LRRN3: variants seen among roughly 807,000 people sequenced by gnomAD.
LRRN3 encodes leucine rich repeat neuronal 3.
A neutral mutation model predicts 40.1 loss-of-function variants in LRRN3; 15 were observed. That is an observed-to-expected ratio of 0.37 (90% CI 0.25 to 0.58). The LOEUF (loss-of-function observed/expected upper bound fraction) is 0.58. LRRN3 is among the 20% of genes least tolerant of loss of function. The probability of loss-of-function intolerance (pLI) is 0.72; values close to 1 mark genes in which losing one functional copy is unlikely to be tolerated. For synonymous variants in LRRN3, 308 were observed against 297.2 expected, an observed-to-expected ratio of 1.04 and a Z score of -0.37; for missense variants, 746 against 837.7, an observed-to-expected ratio of 0.89 and a Z score of 1.35.
intron 2 of LRRN3, among the ~76,000 whole-genome samples, chr7:111,112,901 T>C (rs1238721693): frequency 1.3e-5 from 2 of 152,178 alleles, no homozygotes; most frequent in Non-Finnish European, 2.9e-5. Context: ...GTTTATTGCA[T>C]TTGAAAAAAT....
At chr7:111,104,548 T>C (rs1163138899) in intron 2 of LRRN3, among the ~76,000 whole-genome samples, 1 of 151,742 alleles carries the variant, frequency 6.6e-6, no homozygotes, top group Non-Finnish European at 1.5e-5. Flanking sequence ...TGAAACTACT[T>C]AGTATGGTTG....
chr7:111,112,209 C>T (rs1799319669), intron 2 of LRRN3, among the ~76,000 whole-genome samples: 1 of 152,068 alleles, frequency 6.6e-6, no homozygotes, highest in African/African-American at 2.4e-5. Flanking sequence ...GTATATCCGC[C>T]TGACTTCGCC....
chr7:111,119,417 A>G (rs1800308571), intron 2 of LRRN3, among the ~76,000 whole-genome samples: 2 of 152,200 alleles, frequency 1.3e-5, no homozygotes, highest in South Asian at 4.1e-4. Flanking sequence ...CCCTCTAGCT[A>G]TTAACCCAGT....
intron 1 of LRRN3, among the ~76,000 whole-genome samples, chr7:111,092,857 G>A (rs1297481736): frequency 3.3e-5 from 5 of 152,276 alleles, no homozygotes; most frequent in African/African-American, 1.2e-4. Flanking sequence ...ATCTTCTGGA[G>A]CTCTCTCCTG....
intron 1 of LRRN3, among the ~76,000 whole-genome samples, chr7:111,094,231 C>T (rs373951243): frequency 2.2e-4 from 34 of 151,986 alleles, no homozygotes; most frequent in African/African-American, 2.9e-4. Context: ...GCTCTATAAC[C>T]GGAGTTTCGT....
chr7:111,103,478 T>C (rs542852132), intron 2 of LRRN3, among the ~76,000 whole-genome samples: 85 of 151,736 alleles, frequency 5.6e-4, no homozygotes, highest in Non-Finnish European at 1.0e-3. Flanking sequence ...AATAGCGTGA[T>C]ACATTTTTAG....
At chr7:111,109,507 A>G (rs1798941099) in intron 2 of LRRN3, among the ~76,000 whole-genome samples, 1 of 152,172 alleles carries the variant, frequency 6.6e-6, no homozygotes, top group South Asian at 2.1e-4. Flanking sequence ...AATCAAGTAC[A>G]TATATATCTG....
At chr7:111,103,918 C>A (rs1219381616) in intron 2 of LRRN3, among the ~76,000 whole-genome samples, 2 of 151,542 alleles carry the variant, frequency 1.3e-5, no homozygotes, top group Admixed American at 6.6e-5. Context: ...CTATTGAACA[C>A]CATTTTGAGA....
At chr7:111,118,144 T>C (rs1261560881) in intron 2 of LRRN3, among the ~76,000 whole-genome samples, 1 of 152,100 alleles carries the variant, frequency 6.6e-6, no homozygotes, top group African/African-American at 2.4e-5. Flanking sequence ...TCAAATCTAC[T>C]GTGCATCATT....
chr7:111,111,938 G>GTT (rs1554519289), intron 2 of LRRN3, among the ~76,000 whole-genome samples: 5 of 118,520 alleles, frequency 4.2e-5, no homozygotes, highest in East Asian at 2.3e-4. Context: ...TATATATATA[G>GTT]TTTGTTTTTT....
chr7:111,111,548 C>A (rs1799204919), intron 2 of LRRN3, among the ~76,000 whole-genome samples: 1 of 151,864 alleles, frequency 6.6e-6, no homozygotes, highest in Non-Finnish European at 1.5e-5. Context: ...ATGTTCATAA[C>A]CTGATATAGA....
chr7:111,122,827 C>T lies in LRRN3; in HGVS notation c.55C>T (p.Leu19=). The T allele has an allele frequency of 6.2e-7, 1 of 1,613,900 alleles. No homozygotes were observed. The highest frequency in any genetic ancestry group is 1.1e-5 in the South Asian group (1 of 91,072). The change falls in exon 3 of 3, where the codon CTA becomes TTA. Residue 19 remains leucine (L), a synonymous_variant. Coordinates refer to ENST00000308478, the MANE Select transcript of LRRN3 (RefSeq NM_001099658.2). ...GCTACTTGGCCTAGCTATCACTACA[C>T]TAGTACAAGCTGTAGATAAAAAAGT... ...HVLLGLAITT[L]VQAVDKKVDC... is the part of the protein sequence containing the mutation.
Position 111,123,897 on chromosome 7 carries a change from C to T in LRRN3, c.1125C>T (p.Val375=). ...IHSNPIRCDC[V]IRWMNMNKTN... ...GTAACCCCATCAGGTGTGACTGTGTCATCCGTTGGATGAACATGAACAAAA... is the reference window on the plus strand; with the variant it reads ...GTAACCCCATCAGGTGTGACTGTGTTATCCGTTGGATGAACATGAACAAAA... The change falls in exon 3 of 3, where the codon GTC becomes GTT. Residue 375 remains valine (V), a synonymous_variant. Coordinates refer to ENST00000308478, the MANE Select transcript of LRRN3 (RefSeq NM_001099658.2). The surrounding 1 kb of genome is among the most constrained non-coding windows in gnomAD (Gnocchi z 6.4). The T allele has an allele frequency of 6.2e-7, 1 of 1,613,998 alleles. No homozygotes were observed. The highest frequency in any genetic ancestry group is 8.5e-7 in the Non-Finnish European group (1 of 1,180,006).
intron 1 of LRRN3, among the ~76,000 whole-genome samples, chr7:111,094,788 G>C (rs935977365): frequency 2.6e-5 from 4 of 152,072 alleles, no homozygotes; most frequent in African/African-American, 7.2e-5. Context: ...TAGCCACAAT[G>C]TGAAAGGAAA....
chr7:111,123,219 C>T lies in LRRN3; in HGVS notation c.447C>T (p.His149=), dbSNP rs898612171. The change falls in exon 3 of 3, where the codon CAC becomes CAT. Residue 149 remains histidine (H), a synonymous_variant. Transcript: ENST00000308478. The surrounding 1 kb of genome is among the most constrained non-coding windows in gnomAD (Gnocchi z 6.4). ...ACTTACAAGAACTCTATATTAATCA[C>T]AACTTGCTTTCTACAATTTCACCTG... The part of the protein sequence containing the change: ...LSNLQELYIN[H]NLLSTISPGA... 6.2e-6 allele frequency: 10 copies of T among 1,613,912 alleles called. No homozygotes were observed. Among genetic ancestry groups the T allele is most frequent in the Non-Finnish European group, 8.5e-6 (10 of 1,179,928 alleles).
intron 2 of LRRN3, among the ~76,000 whole-genome samples, chr7:111,114,660 C>T (rs1200746582): frequency 6.7e-6 from 1 of 149,292 alleles, no homozygotes; most frequent in Non-Finnish European, 1.5e-5. Context: ...TGTTTGAACC[C>T]AGGAGGTGGA....
At chr7:111,108,426 A>C (rs1426690916) in intron 2 of LRRN3, among the ~76,000 whole-genome samples, 3 of 152,172 alleles carry the variant, frequency 2.0e-5, no homozygotes, top group Admixed American at 6.6e-5. Context: ...TTAAGAAACT[A>C]ATCTGTATAT....
intron 1 of LRRN3, among the ~76,000 whole-genome samples, chr7:111,096,632 C>T (rs1359387634): frequency 6.6e-6 from 1 of 151,694 alleles, no homozygotes; most frequent in East Asian, 1.9e-4. Flanking sequence ...TAAACAGACA[C>T]TTGGCAAAGG....
chr7:111,115,792 C>T (rs941483397), intron 2 of LRRN3, among the ~76,000 whole-genome samples: 1 of 152,038 alleles, frequency 6.6e-6, no homozygotes, highest in Admixed American at 6.6e-5. Context: ...CTCAGCCTCC[C>T]GAGTAGCTGG....
Sources: allele counts gnomAD v4.1 joint callset (sites outside exome capture counted in the v4.1 genomes callset), GRCh38; gene constraint gnomAD v4.1.1; non-coding constraint Gnocchi (gnomAD v3.1); transcripts MANE v1.5; gene names NCBI Gene and HGNC (gene_info 2026-07-23, HGNC 2026-07-21).